Variants in SH3GL2 observed in about 807,000 individuals in gnomAD.
SH3GL2 encodes the protein endophilin-A1.
Under a neutral mutation model 46.0 loss-of-function variants are expected in SH3GL2, and 24 were observed. That is an observed-to-expected ratio of 0.52 (90% confidence interval 0.38 to 0.73). SH3GL2 has a LOEUF of 0.73. SH3GL2 is among the 30% of genes least tolerant of loss of function. SH3GL2 has a pLI of 0.00. For synonymous variants in SH3GL2, 196 were observed against 147.1 expected (o/e 1.33, Z -2.40); for missense variants, 413 against 424.2 (o/e 0.97, Z 0.23).
At chr9:17,691,976 T>A (rs1332187527) in intron 1 of SH3GL2, among the ~76,000 whole-genome samples, 2 of 152,110 alleles carry the variant, frequency 1.3e-5, no homozygotes, top group African/African-American at 4.8e-5. Flanking sequence ...TCTATAAAAA[T>A]TACAAATGCA....
At chr9:17,795,517 T>C in intron 8 of SH3GL2, 27 bp from the exon 9 acceptor site, 2 of 1,596,682 alleles carry the variant, frequency 1.3e-6, no homozygotes, top group African/African-American at 2.7e-5. Flanking sequence ...TTTGTGTTCT[T>C]CTCTTCTCTC....
chr9:17,794,469 C>G (rs1824225024), intron 8 of SH3GL2, among the ~76,000 whole-genome samples: 2 of 152,182 alleles, frequency 1.3e-5, no homozygotes, highest in Non-Finnish European at 2.9e-5. Context: ...GCTGTGGCTC[C>G]TGGAGCTGGC....
At chr9:17,601,451 G>T (rs1378858584) in intron 1 of SH3GL2, among the ~76,000 whole-genome samples, 1 of 152,144 alleles carries the variant, frequency 6.6e-6, no homozygotes, top group East Asian at 1.9e-4. Context: ...TGGATTAACT[G>T]TGTGTTTGTG....
chr9:17,636,316 T>C (rs892803576), intron 1 of SH3GL2, among the ~76,000 whole-genome samples: 3 of 152,204 alleles, frequency 2.0e-5, no homozygotes, highest in Non-Finnish European at 4.4e-5. Context: ...GAATGGTCTG[T>C]GTTCTAATAA....
intron 1 of SH3GL2, among the ~76,000 whole-genome samples, chr9:17,746,226 C>T (rs1822680061): frequency 6.6e-6 from 1 of 152,130 alleles, no homozygotes; most frequent in South Asian, 2.1e-4. Context: ...CAGGTGCCCG[C>T]CACCACGCCC....
chr9:17,717,939 G>C (rs1490623684), intron 1 of SH3GL2, among the ~76,000 whole-genome samples: 3 of 152,058 alleles, frequency 2.0e-5, no homozygotes, highest in Non-Finnish European at 4.4e-5. Flanking sequence ...TAATTAATAA[G>C]TTTTAGTGTG....
At chr9:17,647,621 A>T (rs75756287) in intron 1 of SH3GL2, among the ~76,000 whole-genome samples, 2 of 152,198 alleles carry the variant, frequency 1.3e-5, no homozygotes, top group East Asian at 3.8e-4. Flanking sequence ...GTAATACTGT[A>T]AAACACTTGG....
intron 3 of SH3GL2, among the ~76,000 whole-genome samples, chr9:17,763,678 G>C (rs1001123323): frequency 3.3e-5 from 5 of 152,156 alleles, no homozygotes; most frequent in Non-Finnish European, 7.4e-5. Context: ...TGCCCAGTTT[G>C]TGGTCATTTG....
chr9:17,579,495 G>A (rs1818233597), intron 1 of SH3GL2, among the ~76,000 whole-genome samples: 1 of 151,982 alleles, frequency 6.6e-6, no homozygotes, highest in Non-Finnish European at 1.5e-5. Context: ...GGCTTGGTGC[G>A]CGCTGCCTTC....
At chr9:17,743,147 C>T (rs1291541807) in intron 1 of SH3GL2, among the ~76,000 whole-genome samples, 1 of 151,986 alleles carries the variant, frequency 6.6e-6, no homozygotes, top group Non-Finnish European at 1.5e-5. Flanking sequence ...ATGCATAAAA[C>T]AAAAGGAAGT....
intron 1 of SH3GL2, among the ~76,000 whole-genome samples, chr9:17,702,015 T>G (rs1447715071): frequency 5.9e-5 from 9 of 152,038 alleles, no homozygotes; most frequent in African/African-American, 2.2e-4. Context: ...TAAGGAAAAC[T>G]AGCCCTAATA....
chr9:17,703,502 A>G (rs1358594628), intron 1 of SH3GL2, among the ~76,000 whole-genome samples: 2 of 152,020 alleles, frequency 1.3e-5, no homozygotes, highest in Admixed American at 1.3e-4. Context: ...ATGAAAAAAG[A>G]AAAACATCAG....
chr9:17,674,949 G>A (rs1748127036), intron 1 of SH3GL2, among the ~76,000 whole-genome samples: 1 of 152,128 alleles, frequency 6.6e-6, no homozygotes, highest in African/African-American at 2.4e-5. Flanking sequence ...TCAAGGGATG[G>A]GGAGTAGACT....
intron 1 of SH3GL2, among the ~76,000 whole-genome samples, chr9:17,732,273 C>T (rs1822207406): frequency 1.3e-5 from 2 of 152,006 alleles, no homozygotes; most frequent in South Asian, 4.1e-4. Context: ...TCAAGGTTTG[C>T]CACTGGAAGA....
At chr9:17,595,739 C>G (rs1346815783) in intron 1 of SH3GL2, among the ~76,000 whole-genome samples, 3 of 151,976 alleles carry the variant, frequency 2.0e-5, no homozygotes, top group Admixed American at 2.0e-4. Flanking sequence ...GGGAAACATT[C>G]ATGATTATTG....
At chr9:17,708,454 A>C (rs1256990957) in intron 1 of SH3GL2, among the ~76,000 whole-genome samples, 2 of 152,050 alleles carry the variant, frequency 1.3e-5, no homozygotes, top group East Asian at 3.9e-4. Context: ...CCAGTTTGAA[A>C]ATATTCTAAT....
chr9:17,716,540 C>T (rs1256454120), intron 1 of SH3GL2, among the ~76,000 whole-genome samples: 2 of 152,172 alleles, frequency 1.3e-5, no homozygotes, highest in East Asian at 3.9e-4. Flanking sequence ...CTCTTCCTGG[C>T]CCCATGGCAG....
chr9:17,656,655 T>C (rs1282774489), intron 1 of SH3GL2, among the ~76,000 whole-genome samples: 1 of 151,600 alleles, frequency 6.6e-6, no homozygotes, highest in African/African-American at 2.4e-5. Context: ...TTCAGATCTA[T>C]TGAGGAGCAT....
intron 1 of SH3GL2, among the ~76,000 whole-genome samples, chr9:17,725,621 C>A (rs1348558113): frequency 6.6e-6 from 1 of 152,084 alleles, no homozygotes; most frequent in African/African-American, 2.4e-5. Flanking sequence ...GATGGTGGCT[C>A]TGGTCTTTGT....
Sources: gnomAD v4.1 joint callset for allele counts (sites outside exome capture counted in the v4.1 genomes callset) on GRCh38, gnomAD v4.1.1 for gene constraint, MANE v1.5 for transcripts, NCBI Gene and HGNC (gene_info 2026-07-23, HGNC 2026-07-21) for gene names.